BIRC6: variants seen among roughly 807,000 people sequenced by gnomAD.
BIRC6 encodes the protein baculoviral IAP repeat containing 6, also known as dual E2 ubiquitin-conjugating enzyme/E3 ubiquitin-protein ligase BIRC6.
In BIRC6, 98 loss-of-function variants were observed where a neutral mutation model predicts 503.3. The observed-to-expected ratio is 0.19, with a 90% CI of 0.17 to 0.23. The LOEUF (loss-of-function observed/expected upper bound fraction) is 0.23, where lower values mean the gene tolerates loss of function less well. Ranked by LOEUF, BIRC6 falls within the 10% of genes least tolerant of loss-of-function variation. The pLI, the probability that BIRC6 is intolerant of heterozygous loss-of-function variation, is 1.00. For synonymous variants in BIRC6, 2,240 were observed against 2,078.7 expected (o/e 1.08, Z -2.11); for missense variants, 5,360 against 5,806.0 (o/e 0.92, Z 2.50).
At chr2:32,561,158 A>G (rs1396679024) in intron 65 of BIRC6, among the ~76,000 whole-genome samples, 2 of 151,012 alleles carry the variant, frequency 1.3e-5, no homozygotes, top group Non-Finnish European at 2.9e-5. Context: ...AGACCATGCC[A>G]TTGCACTGCA....
chr2:32,361,753 G>C (rs1268613120), intron 1 of BIRC6, among the ~76,000 whole-genome samples: 2 of 151,726 alleles, frequency 1.3e-5, no homozygotes, highest in African/African-American at 2.4e-5. Flanking sequence ...TGTCTTCATA[G>C]TTTTGCCTTA....
chr2:32,406,576 A>G lies in BIRC6; in HGVS notation c.1477+19A>G. 1 of 1,570,256 alleles carries G rather than the reference A, an allele frequency of 6.4e-7. No homozygotes were observed. Among genetic ancestry groups the G allele is most frequent in the Non-Finnish European group, 8.7e-7 (1 of 1,145,258 alleles). On this transcript the variant is annotated intron_variant, in intron 9 of 73. Coordinates refer to ENST00000421745, the MANE Select transcript of BIRC6 (RefSeq NM_016252.4). ...GTGACAGGTATGTAAAAAGTATTAG[A>G]TAATGTATTTAAAAAATTCTTTACA...
Position 32,510,782 on chromosome 2 carries a change from C to G in BIRC6, c.10346+148C>G, listed in dbSNP as rs2054306489. The G allele has an allele frequency of 1.6e-5, 9 of 574,620 alleles. No individual in the cohort carries two copies. The South Asian group carries it at 1.6e-4, about 10-fold the overall frequency. 35.6% of individuals were successfully genotyped at this position (574,620 alleles called of 1,614,324 possible). On this transcript the variant is annotated intron_variant, in intron 53 of 73. Transcript: ENST00000421745. ...TTACCATATGCCTCACACGATGTAA[C>G]TTCTGCAAGTATTCATGAACATTAG...
intron 36 of BIRC6, 132 bp downstream of exon 36, chr2:32,478,950 G>A (rs2050072964): frequency 4.9e-6 from 4 of 818,942 alleles, no homozygotes; most frequent in Non-Finnish European, 7.6e-6. Context: ...TGTTTAATCG[G>A]TGTGATGTTA....
intron 57 of BIRC6, among the ~76,000 whole-genome samples, chr2:32,521,029 T>C (rs2055602840): frequency 6.6e-6 from 1 of 152,168 alleles, no homozygotes; most frequent in African/African-American, 2.4e-5. Context: ...CAAAATAGTT[T>C]TCTGTATTGC....
chr2:32,546,851 G>T (rs1323498711), intron 63 of BIRC6, among the ~76,000 whole-genome samples: 1 of 152,110 alleles, frequency 6.6e-6, no homozygotes. Context: ...CATAGAGGCA[G>T]GCAGATCACT....
intron 66 of BIRC6, among the ~76,000 whole-genome samples, chr2:32,584,644 A>G (rs1461817605): frequency 6.6e-6 from 1 of 152,246 alleles, no homozygotes; most frequent in Non-Finnish European, 1.5e-5. Context: ...ATTTTTAATA[A>G]TAGTTTGAAT....
intron 45 of BIRC6, among the ~76,000 whole-genome samples, chr2:32,495,552 T>C (rs371892665): frequency 6.6e-6 from 1 of 152,230 alleles, no homozygotes; most frequent in South Asian, 2.1e-4. Context: ...TACTATCTAT[T>C]GGTCTTTGGA....
chr2:32,579,411 AT>A (rs1188761692), intron 66 of BIRC6, among the ~76,000 whole-genome samples: 1 of 152,166 alleles, frequency 6.6e-6, no homozygotes, highest in Non-Finnish European at 1.5e-5. Flanking sequence ...ATAAAAAGAC[AT>A]CATTAAGAAT....
At chr2:32,372,898 C>T (rs1274229109) in intron 1 of BIRC6, among the ~76,000 whole-genome samples, 2 of 152,004 alleles carry the variant, frequency 1.3e-5, no homozygotes, top group Admixed American at 1.3e-4. Context: ...ATAAATAGAG[C>T]GACTATAAAC....
At chr2:32,591,492 C>G (rs2061378961) in intron 66 of BIRC6, among the ~76,000 whole-genome samples, 1 of 151,416 alleles carries the variant, frequency 6.6e-6, no homozygotes, top group African/African-American at 2.4e-5. Flanking sequence ...ATCAGTAGTT[C>G]CAAGGGTAAT....
chr2:32,493,404 T>C (rs780275890), intron 44 of BIRC6, 136 bp from the exon 45 acceptor site: 7 of 694,838 alleles, frequency 1.0e-5, no homozygotes, highest in Non-Finnish European at 1.6e-5. Flanking sequence ...CCTGCTATCA[T>C]TGTTAATACT....
At chr2:32,467,098 G>A (rs923782028) in intron 26 of BIRC6, among the ~76,000 whole-genome samples, 3 of 146,780 alleles carry the variant, frequency 2.0e-5, no homozygotes, top group Non-Finnish European at 3.0e-5. Context: ...CAGCCTGGGC[G>A]ACAGATCGAG....
intron 61 of BIRC6, among the ~76,000 whole-genome samples, chr2:32,537,349 C>G (rs1425391317): frequency 3.3e-5 from 5 of 152,018 alleles, no homozygotes; most frequent in African/African-American, 1.2e-4. Context: ...CAAAATTGAC[C>G]ACATAGTTGG....
intron 65 of BIRC6, among the ~76,000 whole-genome samples, chr2:32,555,305 T>G (rs1017921838): frequency 6.6e-6 from 1 of 152,172 alleles, no homozygotes; most frequent in African/African-American, 2.4e-5. Context: ...CCCACGAGTT[T>G]GAGATCAGCC....
intron 32 of BIRC6, among the ~76,000 whole-genome samples, chr2:32,471,489 C>T (rs1306505644): frequency 2.6e-5 from 4 of 152,092 alleles, no homozygotes; most frequent in Non-Finnish European, 5.9e-5. Context: ...TGTGTCATTT[C>T]ATTTAGCATT....
chr2:32,572,973 A>G (rs2060018832), intron 65 of BIRC6, among the ~76,000 whole-genome samples: 1 of 152,140 alleles, frequency 6.6e-6, no homozygotes. Flanking sequence ...CTTAATCCCC[A>G]TATAGCTCTG....
chr2:32,478,484 AT>A, intron 35 of BIRC6, 150 bp from the exon 36 acceptor site: 1 of 524,110 alleles, frequency 1.9e-6, no homozygotes, highest in East Asian at 3.4e-5. Context: ...TCTTTTTTGC[AT>A]TCCATCTCAA....
chr2:32,589,118 T>A (rs777774555), intron 66 of BIRC6, among the ~76,000 whole-genome samples: 10 of 152,184 alleles, frequency 6.6e-5, no homozygotes, highest in Non-Finnish European at 4.4e-5. Flanking sequence ...TAGTTGGTAT[T>A]TGATGGTTTC....
Sources: gnomAD v4.1 joint callset for allele counts (sites outside exome capture counted in the v4.1 genomes callset) on GRCh38, gnomAD v4.1.1 for gene constraint, MANE v1.5 for transcripts, NCBI Gene and HGNC (gene_info 2026-07-23, HGNC 2026-07-21) for gene names.